Variants in IL1RAPL1 observed in about 807,000 individuals in gnomAD.
IL1RAPL1 encodes interleukin-1 receptor accessory protein-like 1.
In IL1RAPL1, 3 loss-of-function variants were observed where a neutral mutation model predicts 48.4. That is an observed-to-expected ratio of 0.06 (90% CI 0.03 to 0.16). The LOEUF is 0.16. Among genes scored for constraint, IL1RAPL1 ranks in the 10% least tolerant of loss-of-function variants. The pLI is 1.00. For missense variants in IL1RAPL1, 349 were observed against 530.6 expected (o/e 0.66, Z 3.36); for synonymous variants, 185 against 187.7 (o/e 0.99, Z 0.12).
chrX:29,390,986 C>T (rs1408667569), intron 3 of IL1RAPL1, among the ~76,000 whole-genome samples: 3 of 110,947 alleles, frequency 2.7e-5, no homozygotes, highest in Non-Finnish European at 5.7e-5. Flanking sequence ...CCAGCCTGAC[C>T]AACATGGTGA....
chrX:29,021,709 C>G (rs1926373179), intron 2 of IL1RAPL1, among the ~76,000 whole-genome samples: 1 of 111,709 alleles, frequency 9.0e-6, no homozygotes, highest in Non-Finnish European at 1.9e-5. Flanking sequence ...TTTTAATCTG[C>G]TATTTATTCA....
intron 1 of IL1RAPL1, among the ~76,000 whole-genome samples, chrX:28,737,193 C>T (rs1414955049): frequency 6.8e-5 from 5 of 73,131 alleles, no homozygotes; most frequent in East Asian, 4.4e-4. Context: ...TTTCCTTTCT[C>T]TTTCTTTCTT....
At chrX:28,775,277 TG>T (rs112321041) in intron 1 of IL1RAPL1, among the ~76,000 whole-genome samples, 1 of 112,310 alleles carries the variant, frequency 8.9e-6, no homozygotes, top group African/African-American at 3.2e-5. Context: ...AGCAAGGCCA[TG>T]CTCTCGCAGA....
chrX:28,691,217 ACTT>A (rs1201647516), intron 1 of IL1RAPL1, among the ~76,000 whole-genome samples: 2 of 110,880 alleles, frequency 1.8e-5, no homozygotes, highest in Non-Finnish European at 3.8e-5. Flanking sequence ...GGCCTCACCA[ACTT>A]CTTTAAGTCA....
At chrX:29,200,314 C>A (rs1294866202) in intron 2 of IL1RAPL1, among the ~76,000 whole-genome samples, 1 of 111,306 alleles carries the variant, frequency 9.0e-6, no homozygotes, top group Non-Finnish European at 1.9e-5. Flanking sequence ...TCATGGTTCT[C>A]TGTGGCACAG....
intron 3 of IL1RAPL1, among the ~76,000 whole-genome samples, chrX:29,364,259 C>T (rs1197851472): frequency 9.0e-6 from 1 of 111,016 alleles, no homozygotes; most frequent in African/African-American, 3.3e-5. Context: ...CAGTCAACCA[C>T]GGATTGAAAA....
chrX:29,555,664 T>C (rs959830819), intron 5 of IL1RAPL1, among the ~76,000 whole-genome samples: 3 of 111,980 alleles, frequency 2.7e-5, no homozygotes, highest in African/African-American at 9.8e-5. Context: ...TATGAGAACA[T>C]GTTAAGATTA....
chrX:29,252,786 G>A (rs754793391), intron 2 of IL1RAPL1, among the ~76,000 whole-genome samples: 20 of 110,940 alleles, frequency 1.8e-4, no homozygotes, highest in African/African-American at 5.2e-4. Context: ...TTTTTTAATA[G>A]GAAGAACATA....
intron 3 of IL1RAPL1, among the ~76,000 whole-genome samples, chrX:29,332,608 TTTTATTTA>T (rs143450419): frequency 0.018 from 1,642 of 89,986 alleles, 14 homozygotes; most frequent in Non-Finnish European, 0.021. Flanking sequence ...TTGGCCCATA[TTTTATTTA>T]TTTATTTATT....
intron 1 of IL1RAPL1, among the ~76,000 whole-genome samples, chrX:28,738,295 T>C (rs1489483393): frequency 8.9e-6 from 1 of 112,212 alleles, no homozygotes; most frequent in Non-Finnish European, 1.9e-5. Context: ...CATGTTAACA[T>C]TATTTTACTT....
intron 1 of IL1RAPL1, among the ~76,000 whole-genome samples, chrX:28,788,815 C>A (rs5943548): frequency 0.48 from 53,107 of 109,513 alleles, 9,474 homozygotes; most frequent in East Asian, 0.75. Context: ...AATTATCTTA[C>A]AATATCTTTT....
Position 29,064,730 on chromosome X carries a change from C to T in IL1RAPL1, c.83-218208C>T, listed in dbSNP as rs763997587. Among the ~76,000 whole-genome samples the T allele has an allele frequency of 2.2e-3, 242 of 110,523 alleles. 2 individuals carry two copies. The highest frequency in any genetic ancestry group is 7.2e-3 in the African/African-American group (220 of 30,424). On this transcript the variant is annotated intron_variant, in intron 2 of 10. Transcript: ENST00000378993. ...CCGAGTAGCTGGGACTACAGGCGCC[C>T]GCCACCACACCTGGCTAATTTTTTA...
At chrX:29,055,318 A>G (rs1268400881) in intron 2 of IL1RAPL1, among the ~76,000 whole-genome samples, 1 of 111,620 alleles carries the variant, frequency 9.0e-6, no homozygotes, top group East Asian at 2.8e-4. Flanking sequence ...AAGTCCAGAT[A>G]AGAGCCTATA....
chrX:29,661,990 A>G (rs988779553), intron 5 of IL1RAPL1, among the ~76,000 whole-genome samples: 4 of 111,030 alleles, frequency 3.6e-5, no homozygotes, highest in Non-Finnish European at 5.7e-5. Context: ...CCCAGACTTG[A>G]ACACCAAAAT....
chrX:29,253,338 A>G (rs972278505), intron 2 of IL1RAPL1, among the ~76,000 whole-genome samples: 15 of 111,279 alleles, frequency 1.3e-4, no homozygotes, highest in African/African-American at 4.6e-4. Flanking sequence ...AAAGTAATGC[A>G]ATAGTAAAAT....
chrX:29,122,139 C>T (rs1301348985), intron 2 of IL1RAPL1, among the ~76,000 whole-genome samples: 1 of 110,545 alleles, frequency 9.0e-6, no homozygotes, highest in Non-Finnish European at 1.9e-5. Flanking sequence ...AGAACTATAA[C>T]GTTTTAGAAG....
intron 1 of IL1RAPL1, among the ~76,000 whole-genome samples, chrX:28,754,746 A>G (rs752220977): frequency 8.9e-6 from 1 of 112,269 alleles, no homozygotes; most frequent in Non-Finnish European, 1.9e-5. Context: ...GATAACTTCC[A>G]GTTACTTCCA....
intron 2 of IL1RAPL1, among the ~76,000 whole-genome samples, chrX:29,192,615 A>G (rs960190475): frequency 8.9e-6 from 1 of 112,385 alleles, no homozygotes; most frequent in Admixed American, 9.5e-5. Flanking sequence ...GCTTATAATA[A>G]GAACTAAATA....
chrX:29,699,160 C>G (rs1265912850), intron 6 of IL1RAPL1, among the ~76,000 whole-genome samples: 1 of 112,191 alleles, frequency 8.9e-6, no homozygotes, highest in East Asian at 2.8e-4. Context: ...GTCTATGTGC[C>G]AACCCCAGCT....
Sources: allele counts gnomAD v4.1 joint callset (sites outside exome capture counted in the v4.1 genomes callset), GRCh38; gene constraint gnomAD v4.1.1; transcripts MANE v1.5; gene names NCBI Gene and HGNC (gene_info 2026-07-23, HGNC 2026-07-21).